Variants in SLC4A8 observed in about 807,000 individuals in gnomAD.
SLC4A8 encodes electroneutral sodium bicarbonate exchanger 1.
Under a neutral mutation model 125.0 loss-of-function variants are expected in SLC4A8, and 40 were observed. The ratio of observed to expected loss-of-function variants is 0.32; its 90% confidence interval spans 0.25 to 0.42. The LOEUF (loss-of-function observed/expected upper bound fraction) is 0.42, where lower values mean the gene tolerates loss of function less well. Ranked by LOEUF, SLC4A8 falls within the 10% of genes least tolerant of loss-of-function variation. SLC4A8 has a pLI of 1.00. For synonymous variants in SLC4A8, 456 were observed against 476.0 expected (o/e 0.96, Z 0.55); for missense variants, 863 against 1,355.1 (o/e 0.64, Z 5.70).
intron 1 of SLC4A8, chr12:51,407,861 G>T (rs1948519582): frequency 6.6e-6 from 1 of 152,290 alleles, no homozygotes; most frequent in Non-Finnish European, 1.5e-5. Flanking sequence ...TTGTCTCACA[G>T]TGCTGAAGAA....
chr12:51,487,004 T>C (rs1951179802), intron 17 of SLC4A8, among the ~76,000 whole-genome samples: 2 of 152,294 alleles, frequency 1.3e-5, no homozygotes, highest in South Asian at 4.1e-4. Flanking sequence ...GCAGGAGGAA[T>C]GGATTTTGTC....
chr12:51,509,452 C>G lies in SLC4A8; in HGVS notation c.*2014C>G, dbSNP rs1339938663. On this transcript the variant is annotated 3_prime_UTR_variant, in exon 25 of 25. Coordinates refer to ENST00000453097, the MANE Select transcript of SLC4A8 (RefSeq NM_001039960.3). ...AGGATAAGCTTTCTTGCAGACTTTT[C>G]CCTTGTCCCTCTCTGGCTGCCTCCT... The G allele has an allele frequency of 6.6e-6, 1 of 152,102 alleles. No homozygotes were observed. The highest frequency in any genetic ancestry group is 1.5e-5 in the Non-Finnish European group (1 of 68,034). The allele number at this position is 152,102 out of a possible 1,614,324, so 9.4% of individuals were successfully genotyped here. A position where few individuals can be genotyped will look rare whatever the true frequency, so the allele number is the denominator to read the frequency against.
Position 51,424,991 on chromosome 12 carries a change from C to T in SLC4A8, c.4C>T (p.Pro2Ser). The change falls in exon 1 of 25, where the codon CCG becomes TCG. Residue 2 changes from proline (P) to serine (S), a missense_variant. Physicochemically the swap from Pro to Ser is moderately conservative, Grantham distance 74. Coordinates refer to ENST00000453097, the MANE Select transcript of SLC4A8 (RefSeq NM_001039960.3). The stretch of plus-strand genomic sequence containing the variant: ...GGAGACCTAGTTCGGCTCCGCCATG[C>T]CGGCCGCCGGGAGTAACGAGCCGGA... M[P>S]AAGSNEPDGV... 6.4e-7 allele frequency: 1 copy of T among 1,554,262 alleles called. No individual in the cohort carries two copies. Among genetic ancestry groups the T allele is most frequent in the South Asian group, 1.2e-5 (1 of 84,276 alleles).
At chr12:51,393,127 CT>C (rs1247321175) in intron 1 of SLC4A8, among the ~76,000 whole-genome samples, 2 of 149,478 alleles carry the variant, frequency 1.3e-5, no homozygotes, top group Admixed American at 1.3e-4. Context: ...CTTTCTTTCT[CT>C]CTTTCTTTTC....
At chr12:51,490,379 C>A (rs983325487) in intron 19 of SLC4A8, among the ~76,000 whole-genome samples, 4 of 151,762 alleles carry the variant, frequency 2.6e-5, no homozygotes, top group Non-Finnish European at 5.9e-5. Context: ...CACAGTGAAA[C>A]CTCGTCTCTA....
chr12:51,411,461 C>A (rs1421725448), intron 1 of SLC4A8, among the ~76,000 whole-genome samples: 1 of 152,020 alleles, frequency 6.6e-6, no homozygotes, highest in Non-Finnish European at 1.5e-5. Context: ...TGGTGGTGTG[C>A]ACCTGTAGTC....
chr12:51,460,091 A>G lies in SLC4A8; in HGVS notation c.996A>G (p.Glu332=). ...CTGTTCTTCTCTCAGGCCTAACAGA[A>G]GTGCCAATCCCAACAAGGTAAAGGC... The part of the protein sequence containing the change: ...SPAVLLSGLT[E]VPIPTRFLFI... Residue 332 remains glutamate (E), a synonymous_variant, in exon 8 of 25, where the codon GAA becomes GAG. Coordinates refer to ENST00000453097, the MANE Select transcript of SLC4A8 (RefSeq NM_001039960.3). 6.2e-7 allele frequency: 1 copy of G among 1,613,996 alleles called. No homozygotes were observed. The highest frequency in any genetic ancestry group is 8.5e-7 in the Non-Finnish European group (1 of 1,179,820).
intron 7 of SLC4A8, among the ~76,000 whole-genome samples, chr12:51,459,596 G>A (rs1046859614): frequency 1.4e-4 from 21 of 152,308 alleles, no homozygotes; most frequent in African/African-American, 4.8e-4. Flanking sequence ...GGGGCCAGGT[G>A]CAGTGGCTAA....
At position 51,393,129 on chromosome 12, in the gene SLC4A8, CTTTCT is replaced by C. The variant is rs1163826486; in HGVS notation, c.-112+1653_-112+1657del. ...TCCTTCTTTTTCTCTTTCTTTCTCTCTTTCTTTTCTTTTCTTGCTCTACTGCCCAG... is the reference window on the plus strand; with the variant it reads ...TCCTTCTTTTTCTCTTTCTTTCTCTCTTTCTTTTCTTGCTCTACTGCCCAG... On this transcript the variant is annotated intron_variant, in intron 1 of 24. Coordinates refer to the SLC4A8 transcript ENST00000358657. 7.3e-5 allele frequency among the ~76,000 whole-genome samples: 11 copies of C among 150,262 alleles called. No homozygotes were observed. In the South Asian group the frequency reaches 1.3e-3, roughly 17 times the overall value.
At chr12:51,416,783 A>G (rs944671209) in intron 1 of SLC4A8, among the ~76,000 whole-genome samples, 1 of 152,210 alleles carries the variant, frequency 6.6e-6, no homozygotes, top group Non-Finnish European at 1.5e-5. Context: ...GTGCTGTATC[A>G]TTCAAAAGTA....
chr12:51,395,624 G>T (rs1948244327), intron 1 of SLC4A8, among the ~76,000 whole-genome samples: 1 of 152,208 alleles, frequency 6.6e-6, no homozygotes, highest in African/African-American at 2.4e-5. Context: ...TTCAGGGGGA[G>T]GTGCTGGCTC....
intron 16 of SLC4A8, among the ~76,000 whole-genome samples, chr12:51,482,308 A>G (rs1951051569): frequency 6.6e-6 from 1 of 152,158 alleles, no homozygotes; most frequent in Admixed American, 6.5e-5. Context: ...AATTTGATAA[A>G]TATAATTATT....
chr12:51,425,641 G>A (rs1347803885), intron 1 of SLC4A8, among the ~76,000 whole-genome samples: 1 of 152,102 alleles, frequency 6.6e-6, no homozygotes, highest in Non-Finnish European at 1.5e-5. Flanking sequence ...GCTTATTTAA[G>A]GGAATTAAAA....
At chr12:51,430,491 C>T (rs1305940844) in intron 1 of SLC4A8, among the ~76,000 whole-genome samples, 2 of 152,078 alleles carry the variant, frequency 1.3e-5, no homozygotes, top group Non-Finnish European at 2.9e-5. Flanking sequence ...ACCCCTCCAC[C>T]CTCTCCTCAC....
chr12:51,417,472 G>A (rs1177504282), intron 1 of SLC4A8, among the ~76,000 whole-genome samples: 4 of 151,864 alleles, frequency 2.6e-5, no homozygotes, highest in South Asian at 2.1e-4. Context: ...TCAGCCTCCC[G>A]AGTAGCTGGG....
intron 1 of SLC4A8, among the ~76,000 whole-genome samples, chr12:51,394,291 C>T (rs996322379): frequency 1.2e-4 from 18 of 152,240 alleles, no homozygotes; most frequent in South Asian, 2.1e-4. Flanking sequence ...CTTCAGCTGA[C>T]GCTGATTTTA....
At chr12:51,459,481 A>G (rs1250074566) in intron 7 of SLC4A8, among the ~76,000 whole-genome samples, 1 of 152,110 alleles carries the variant, frequency 6.6e-6, no homozygotes, top group African/African-American at 2.4e-5. Flanking sequence ...GACGAATACA[A>G]TCTGTCATAT....
intron 3 of SLC4A8, among the ~76,000 whole-genome samples, 185 bp from the exon 4 acceptor site, chr12:51,451,939 C>G (rs1949987445): frequency 6.6e-6 from 1 of 152,148 alleles, no homozygotes. Context: ...GGTCTTCATT[C>G]ATAAATTTTT....
chr12:51,502,383 C>T lies in SLC4A8; in HGVS notation c.3082-1646C>T, dbSNP rs1385065663. Reference sequence around the variant, plus strand: ...CCCGAGTAGCTGGGATTACAGGTACCTGCCATCACGCCTGGGCTAATTTTT... The same window carrying T: ...CCCGAGTAGCTGGGATTACAGGTACTTGCCATCACGCCTGGGCTAATTTTT... On this transcript the variant is annotated intron_variant, in intron 22 of 24. Coordinates refer to ENST00000453097, the MANE Select transcript of SLC4A8 (RefSeq NM_001039960.3). 5 of 152,090 alleles carry T rather than the reference C, an allele frequency of 3.3e-5. No homozygotes were observed. In the East Asian group the frequency reaches 9.7e-4, roughly 30 times the overall value. The allele number at this position is 152,090 out of a possible 1,614,324, so 9.4% of individuals were successfully genotyped here.
Sources: gnomAD v4.1 joint callset for allele counts (sites outside exome capture counted in the v4.1 genomes callset) on GRCh38, gnomAD v4.1.1 for gene constraint, MANE v1.5 for transcripts, NCBI Gene and HGNC (gene_info 2026-07-23, HGNC 2026-07-21) for gene names.